PCDH15: variants seen among roughly 807,000 people sequenced by gnomAD.
PCDH15 encodes protocadherin related 15, also known as protocadherin-15.
A neutral mutation model predicts 178.5 loss-of-function variants in PCDH15; 129 were observed. The ratio of observed to expected loss-of-function variants is 0.72; its 90% CI spans 0.63 to 0.84. PCDH15 has a LOEUF of 0.84. Among genes scored for constraint, PCDH15 ranks in the 40% least tolerant of loss-of-function variants. PCDH15 has a pLI of 0.00. For synonymous variants in PCDH15, 800 were observed against 732.0 expected, an observed-to-expected ratio of 1.09 and a Z score of -1.50; for missense variants, 2,230 against 2,099.9, an observed-to-expected ratio of 1.06 and a Z score of -1.21.
chr10:55,364,704 G>C (rs184081347), intron 2 of PCDH15, among the ~76,000 whole-genome samples: 1 of 152,084 alleles, frequency 6.6e-6, no homozygotes, highest in East Asian at 1.9e-4. Flanking sequence ...GTCATGGAAT[G>C]AATGTTAGAC....
At chr10:53,853,055 C>G (rs1429276335) in intron 28 of PCDH15, among the ~76,000 whole-genome samples, 2 of 152,154 alleles carry the variant, frequency 1.3e-5, no homozygotes, top group Admixed American at 6.6e-5. Context: ...ATCACTACCA[C>G]TTCCATCTAC....
At chr10:54,999,140 A>G (rs1194220068) in intron 2 of PCDH15, among the ~76,000 whole-genome samples, 1 of 152,064 alleles carries the variant, frequency 6.6e-6, no homozygotes, top group Non-Finnish European at 1.5e-5. Flanking sequence ...TACATTTGAA[A>G]CAATTCATCA....
chr10:55,266,469 C>T (rs528979740), intron 1 of PCDH15, among the ~76,000 whole-genome samples: 55 of 152,246 alleles, frequency 3.6e-4, no homozygotes, highest in Admixed American at 2.3e-3. Flanking sequence ...GCAGGTCCCT[C>T]GTGAGGGCTC....
At chr10:53,956,793 G>T (rs2087653173) in intron 23 of PCDH15, among the ~76,000 whole-genome samples, 1 of 152,146 alleles carries the variant, frequency 6.6e-6, no homozygotes, top group Non-Finnish European at 1.5e-5. Flanking sequence ...ATGTACCCAT[G>T]TGACTGTTGT....
At chr10:55,171,784 A>G (rs529783524) in intron 1 of PCDH15, among the ~76,000 whole-genome samples, 30 of 152,190 alleles carry the variant, frequency 2.0e-4, no homozygotes, top group Admixed American at 1.8e-3. Flanking sequence ...TTGGTAGTAG[A>G]TTGTTACATT....
At chr10:55,214,697 G>A (rs1329372871) in intron 1 of PCDH15, among the ~76,000 whole-genome samples, 1 of 151,774 alleles carries the variant, frequency 6.6e-6, no homozygotes, top group Non-Finnish European at 1.5e-5. Flanking sequence ...GGCTGCTCTG[G>A]AACTCCTGGG....
At chr10:54,515,284 C>A (rs1046700629) in intron 3 of PCDH15, among the ~76,000 whole-genome samples, 1 of 152,200 alleles carries the variant, frequency 6.6e-6, no homozygotes, top group South Asian at 2.1e-4. Flanking sequence ...CTTAATACTG[C>A]ACTTTTCCAA....
chr10:55,612,389 T>C (rs1343931213), intron 2 of PCDH15, among the ~76,000 whole-genome samples: 1 of 152,108 alleles, frequency 6.6e-6, no homozygotes, highest in Non-Finnish European at 1.5e-5. Context: ...TATGCCAAAG[T>C]GTTTCCTGAA....
intron 25 of PCDH15, among the ~76,000 whole-genome samples, chr10:53,930,083 G>A (rs1053448573): frequency 1.3e-5 from 2 of 152,138 alleles, no homozygotes; most frequent in African/African-American, 4.8e-5. Flanking sequence ...AAACCCAGGA[G>A]AGTTTGAGTT....
At chr10:53,967,817 G>C (rs910924314) in intron 21 of PCDH15, among the ~76,000 whole-genome samples, 1 of 152,112 alleles carries the variant, frequency 6.6e-6, no homozygotes, top group African/African-American at 2.4e-5. Flanking sequence ...ATGCATAGCT[G>C]TATATATGTC....
At chr10:54,346,952 T>C (rs890489170) in intron 5 of PCDH15, among the ~76,000 whole-genome samples, 3 of 152,204 alleles carry the variant, frequency 2.0e-5, no homozygotes, top group Admixed American at 6.5e-5. Flanking sequence ...TTGGAGACAA[T>C]GAATAGTCTG....
chr10:54,416,341 G>A (rs1011246139), intron 3 of PCDH15, among the ~76,000 whole-genome samples: 1 of 151,866 alleles, frequency 6.6e-6, no homozygotes, highest in African/African-American at 2.4e-5. Context: ...TGTTCTCATT[G>A]TTCAACCCCC....
At chr10:53,916,938 G>A (rs2083574929) in intron 25 of PCDH15, among the ~76,000 whole-genome samples, 1 of 151,020 alleles carries the variant, frequency 6.6e-6, no homozygotes. Flanking sequence ...ATACCAGAAG[G>A]AAAAAAAAAT....
At chr10:55,040,285 T>C (rs910718258) in intron 2 of PCDH15, among the ~76,000 whole-genome samples, 3 of 151,986 alleles carry the variant, frequency 2.0e-5, no homozygotes, top group Non-Finnish European at 2.9e-5. Flanking sequence ...TCAAGCTGTG[T>C]CCAGAAAGAA....
intron 2 of PCDH15, among the ~76,000 whole-genome samples, chr10:54,974,826 G>A (rs954977733): frequency 6.6e-6 from 1 of 152,152 alleles, no homozygotes; most frequent in Admixed American, 6.6e-5. Context: ...CATATAGAAA[G>A]TAGACATGAA....
intron 8 of PCDH15, among the ~76,000 whole-genome samples, chr10:54,281,268 T>G (rs1250132498): frequency 1.3e-5 from 2 of 151,874 alleles, no homozygotes; most frequent in African/African-American, 4.8e-5. Flanking sequence ...ATGGCATCTA[T>G]ATATTATATT....
intron 2 of PCDH15, among the ~76,000 whole-genome samples, chr10:54,947,852 C>A (rs576121841): frequency 6.6e-6 from 1 of 151,994 alleles, no homozygotes; most frequent in Non-Finnish European, 1.5e-5. Context: ...TTTCTTAAAT[C>A]CTTTTTTTAT....
intron 1 of PCDH15, among the ~76,000 whole-genome samples, chr10:54,696,468 G>T (rs2095226264): frequency 6.6e-6 from 1 of 152,098 alleles, no homozygotes; most frequent in South Asian, 2.1e-4. Context: ...AAAGAATTTA[G>T]AATATTACAT....
At chr10:54,786,669 GC>G (rs1950905562) in intron 1 of PCDH15, among the ~76,000 whole-genome samples, 2 of 151,912 alleles carry the variant, frequency 1.3e-5, no homozygotes, top group African/African-American at 2.4e-5. Context: ...TGAAGGGTAT[GC>G]TTTGTGGAAT....
Sources: gnomAD v4.1 joint callset for allele counts (sites outside exome capture counted in the v4.1 genomes callset) on GRCh38, gnomAD v4.1.1 for gene constraint, MANE v1.5 for transcripts, NCBI Gene and HGNC (gene_info 2026-07-23, HGNC 2026-07-21) for gene names.